The following LRRC1 variants were observed in gnomAD, a reference collection of about 807,000 sequenced individuals.
LRRC1 encodes the protein leucine rich repeat containing 1.
In LRRC1, 28 loss-of-function variants were observed where a neutral mutation model predicts 69.9. The ratio of observed to expected loss-of-function variants is 0.40; its 90% CI spans 0.30 to 0.55. The LOEUF is 0.55. Among genes scored for constraint, LRRC1 ranks in the 20% least tolerant of loss-of-function variants. LRRC1 has a pLI of 0.47. For synonymous variants in LRRC1, 236 were observed against 240.2 expected (o/e 0.98, Z 0.16); for missense variants, 498 against 609.0 (o/e 0.82, Z 1.92).
At chr6:53,880,949 C>T (rs1012067775) in intron 3 of LRRC1, among the ~76,000 whole-genome samples, 6 of 152,058 alleles carry the variant, frequency 3.9e-5, no homozygotes, top group Non-Finnish European at 8.8e-5. Flanking sequence ...CATTCAGTTG[C>T]GTATTCCTTT....
rs192848042 is a variant in LRRC1 at position 53,879,912 on chromosome 6, C to T, written c.356+841C>T. 6.6e-4 allele frequency among the ~76,000 whole-genome samples: 101 copies of T among 152,264 alleles called. 1 individual carries two copies. Among genetic ancestry groups the T allele is most frequent in the Admixed American group, 6.6e-3 (101 of 15,294 alleles). On this transcript the variant is annotated intron_variant, in intron 3 of 13. Transcript: ENST00000370888. ...AGGATAACTGAATTGTGCCCACGTG[C>T]AATGCAGAGATAGCCCTTGGGCATC...
intron 2 of LRRC1, among the ~76,000 whole-genome samples, chr6:53,842,601 C>T (rs1393859621): frequency 6.6e-6 from 1 of 152,162 alleles, no homozygotes; most frequent in Non-Finnish European, 1.5e-5. Context: ...AATCATTTAA[C>T]CTTGTCCACT....
chr6:53,860,127 A>C (rs766257254), intron 2 of LRRC1, among the ~76,000 whole-genome samples: 10 of 152,248 alleles, frequency 6.6e-5, no homozygotes, highest in Non-Finnish European at 1.2e-4. Flanking sequence ...GATTCAGCTG[A>C]AACACACTAT....
chr6:53,837,661 A>G (rs1337093084), intron 1 of LRRC1, among the ~76,000 whole-genome samples: 1 of 152,166 alleles, frequency 6.6e-6, no homozygotes, highest in African/African-American at 2.4e-5. Context: ...CTGGGGGACA[A>G]TTGACTGATC....
At chr6:53,825,574 C>T (rs1350143474) in intron 1 of LRRC1, among the ~76,000 whole-genome samples, 1 of 152,186 alleles carries the variant, frequency 6.6e-6, no homozygotes, top group Non-Finnish European at 1.5e-5. Flanking sequence ...GGGAAGGGGG[C>T]TGCCTCCAAA....
At chr6:53,883,019 G>A (rs780842562) in intron 4 of LRRC1, 43 bp downstream of exon 4, 32 of 1,238,504 alleles carry the variant, frequency 2.6e-5, no homozygotes, top group Non-Finnish European at 3.8e-5. Flanking sequence ...GGTGAAAGGG[G>A]GTTTATATCA....
At chr6:53,865,869 G>A (rs1766686855) in intron 2 of LRRC1, among the ~76,000 whole-genome samples, 1 of 151,670 alleles carries the variant, frequency 6.6e-6, no homozygotes, top group South Asian at 2.1e-4. Context: ...TTACAGGCAC[G>A]CGCCACCATG....
chr6:53,878,565 C>T (rs779386817), intron 2 of LRRC1, among the ~76,000 whole-genome samples: 3 of 152,104 alleles, frequency 2.0e-5, no homozygotes, highest in Admixed American at 6.5e-5. Flanking sequence ...CTAATGTGGG[C>T]GCTGATCTGA....
intron 11 of LRRC1, among the ~76,000 whole-genome samples, chr6:53,915,825 T>G (rs918539967): frequency 2.0e-5 from 3 of 152,158 alleles, no homozygotes; most frequent in African/African-American, 7.2e-5. Flanking sequence ...ATTAAAATAT[T>G]TAATCACTAC....
chr6:53,896,002 C>A (rs141135003), intron 4 of LRRC1, among the ~76,000 whole-genome samples: 205 of 152,316 alleles, frequency 1.3e-3, no homozygotes, highest in Admixed American at 3.0e-3. Context: ...ATAAGTAGAT[C>A]AACTTGGACT....
chr6:53,807,911 A>G (rs76027768), intron 1 of LRRC1, among the ~76,000 whole-genome samples: 3,630 of 152,348 alleles, frequency 0.024, 54 homozygotes, highest in Non-Finnish European at 0.039. Flanking sequence ...GCTTCCTGCA[A>G]AGCCTTGGGG....
chr6:53,884,164 C>T, intron 4 of LRRC1: 1 of 599,542 alleles, frequency 1.7e-6, no homozygotes, highest in Admixed American at 3.0e-5. Context: ...GAATTTCATG[C>T]ATGTACAATT....
chr6:53,899,329 G>C (rs1767970847), intron 7 of LRRC1, among the ~76,000 whole-genome samples: 1 of 152,226 alleles, frequency 6.6e-6, no homozygotes, highest in South Asian at 2.1e-4. Context: ...AAAATACAAA[G>C]TAGGTAGGTT....
intron 2 of LRRC1, among the ~76,000 whole-genome samples, chr6:53,854,968 A>G (rs2127420867): frequency 6.7e-6 from 1 of 150,238 alleles, no homozygotes; most frequent in East Asian, 2.0e-4. Context: ...TTCAAAGGTA[A>G]GGTTGATGTG....
chr6:53,895,847 A>T (rs1355251878), intron 4 of LRRC1, among the ~76,000 whole-genome samples: 1 of 152,248 alleles, frequency 6.6e-6, no homozygotes. Flanking sequence ...ATCCAGAATA[A>T]AAGCAACATT....
intron 2 of LRRC1, among the ~76,000 whole-genome samples, chr6:53,872,182 C>T (rs1182027085): frequency 1.3e-5 from 2 of 152,048 alleles, no homozygotes; most frequent in African/African-American, 2.4e-5. Context: ...CCGGTTTTTC[C>T]AGCGCACCTA....
chr6:53,902,315 T>C (rs2127437655), intron 8 of LRRC1, among the ~76,000 whole-genome samples: 1 of 152,332 alleles, frequency 6.6e-6, no homozygotes, highest in South Asian at 2.1e-4. Flanking sequence ...GTCTCCTCTG[T>C]GCATGAAACA....
rs552403661 is a variant in LRRC1 at position 53,850,373 on chromosome 6, G to A, written c.277+8146G>A. On this transcript the variant is annotated intron_variant, in intron 2 of 13. Transcript: ENST00000370888. ...CAAATTTAGAGGGAGTCAATGAGTG[G>A]GTTTCTCAGTTGGGTTGTCATTTGT... 2.0e-5 allele frequency among the ~76,000 whole-genome samples: 3 copies of A among 152,214 alleles called. No individual in the cohort carries two copies. The South Asian group carries it at 6.2e-4, about 32-fold the overall frequency.
At chr6:53,850,175 T>G (rs1453109811) in intron 2 of LRRC1, among the ~76,000 whole-genome samples, 1 of 151,630 alleles carries the variant, frequency 6.6e-6, no homozygotes, top group East Asian at 1.9e-4. Context: ...ACAGGCACAA[T>G]AGACAAATAT....
Sources: gnomAD v4.1 joint callset for allele counts (sites outside exome capture counted in the v4.1 genomes callset) on GRCh38, gnomAD v4.1.1 for gene constraint, MANE v1.5 for transcripts, NCBI Gene and HGNC (gene_info 2026-07-23, HGNC 2026-07-21) for gene names.